Variants in PLXNA2 observed in about 807,000 individuals in gnomAD.
The protein encoded by PLXNA2 is plexin A2, also known as plexin-A2.
Under a neutral mutation model 193.5 loss-of-function variants are expected in PLXNA2, and 91 were observed. The observed-to-expected ratio is 0.47, with a 90% CI of 0.40 to 0.56. The LOEUF is 0.56. Among genes scored for constraint, PLXNA2 ranks in the 20% least tolerant of loss-of-function variants. PLXNA2 has a pLI of 0.00. For synonymous variants in PLXNA2, 997 were observed against 1,027.3 expected, an observed-to-expected ratio of 0.97 and a Z score of 0.56; for missense variants, 1,995 against 2,503.2, an observed-to-expected ratio of 0.80 and a Z score of 4.33.
chr1:208,094,321 T>C (rs1262681323), intron 8 of PLXNA2, among the ~76,000 whole-genome samples: 4 of 152,182 alleles, frequency 2.6e-5, no homozygotes, highest in African/African-American at 9.7e-5. Context: ...CAGCAAATTA[T>C]TAAAAGGAGG....
intron 5 of PLXNA2, among the ~76,000 whole-genome samples, chr1:208,099,715 C>T (rs1009009727): frequency 2.0e-5 from 3 of 152,196 alleles, no homozygotes; most frequent in African/African-American, 4.8e-5. Flanking sequence ...GGATTACAGG[C>T]GCCCACCACC....
chr1:208,053,355 G>T (rs1395263894), intron 14 of PLXNA2, among the ~76,000 whole-genome samples: 1 of 152,210 alleles, frequency 6.6e-6, no homozygotes, highest in Non-Finnish European at 1.5e-5. Context: ...GATTGTCAGA[G>T]TACTGACATT....
chr1:208,189,285 C>G (rs146070179), intron 3 of PLXNA2, among the ~76,000 whole-genome samples: 1 of 152,246 alleles, frequency 6.6e-6, no homozygotes, highest in Non-Finnish European at 1.5e-5. Flanking sequence ...CTCACATGAT[C>G]ATGCCTGGGG....
intron 4 of PLXNA2, among the ~76,000 whole-genome samples, chr1:208,118,480 T>C (rs895661168): frequency 2.0e-5 from 3 of 152,240 alleles, no homozygotes; most frequent in African/African-American, 7.2e-5. Flanking sequence ...AGTCAGGAAC[T>C]GGCTCCAGGT....
At chr1:208,180,164 AT>A (rs11304771) in intron 3 of PLXNA2, among the ~76,000 whole-genome samples, 58,795 of 143,790 alleles carry the variant, frequency 0.41, 11,811 homozygotes, top group East Asian at 0.49. Context: ...GGGGGCTTGT[AT>A]TTTTTTTTTT....
rs1054838844 is a variant in PLXNA2 at position 208,150,968 on chromosome 1, C to A, written c.1372-8505G>T. 3.9e-5 allele frequency among the ~76,000 whole-genome samples: 6 copies of A among 152,196 alleles called. No homozygotes were observed. The East Asian group carries it at 5.8e-4, about 15-fold the overall frequency. On this transcript the variant is annotated intron_variant, in intron 3 of 31. Transcript: ENST00000367033. ...GTGATTCAGGAACACGGGGCTCAGG[C>A]CTTAGTCCAACCCCACCTTTAAACA...
intron 4 of PLXNA2, among the ~76,000 whole-genome samples, chr1:208,106,528 T>C (rs1667276280): frequency 6.6e-6 from 1 of 152,204 alleles, no homozygotes; most frequent in Non-Finnish European, 1.5e-5. Context: ...CCCAGTACAA[T>C]AGCCACTAGC....
rs201065838 is a variant in PLXNA2, at chr1:208,060,757, C to T, written c.2667G>A (p.Glu889=). The T allele has an allele frequency of 2.4e-5, 39 of 1,614,106 alleles. No homozygotes were observed. Among genetic ancestry groups the T allele is most frequent in the Non-Finnish European group, 3.1e-5 (37 of 1,179,996 alleles). The change falls in exon 13 of 32, where the codon GAG becomes GAA. Residue 889 remains glutamate (E), a synonymous_variant. Coordinates refer to ENST00000367033, the MANE Select transcript of PLXNA2 (RefSeq NM_025179.4). ...HGVNLGLDFS[E]IAHHVQVAGV... Reference sequence around the variant, plus strand: ...CAGCCACCTGCACATGGTGGGCGATCTCGGAGAAGTCCAGACCCAGGTTCA... The same window carrying T: ...CAGCCACCTGCACATGGTGGGCGATTTCGGAGAAGTCCAGACCCAGGTTCA...
intron 24 of PLXNA2, 137 bp downstream of exon 24, chr1:208,039,484 G>A: frequency 1.7e-6 from 2 of 1,209,626 alleles, no homozygotes; most frequent in Non-Finnish European, 2.3e-6. Context: ...GGTACACTTA[G>A]TTGTCCTTTG....
intron 1 of PLXNA2, among the ~76,000 whole-genome samples, chr1:208,237,175 T>C (rs1202652393): frequency 1.3e-5 from 2 of 152,190 alleles, no homozygotes; most frequent in African/African-American, 2.4e-5. Context: ...TCTACCCTCT[T>C]TATGGACAGA....
At chr1:208,120,511 C>T (rs1667775708) in intron 4 of PLXNA2, among the ~76,000 whole-genome samples, 1 of 152,186 alleles carries the variant, frequency 6.6e-6, no homozygotes, top group South Asian at 2.1e-4. Flanking sequence ...AGATTGAACT[C>T]TCTGAGACTC....
At chr1:208,068,614 C>G (rs1232136913) in intron 12 of PLXNA2, among the ~76,000 whole-genome samples, 1 of 152,196 alleles carries the variant, frequency 6.6e-6, no homozygotes, top group Non-Finnish European at 1.5e-5. Context: ...GCACTCGGGT[C>G]GTGCCTTCAG....
intron 3 of PLXNA2, among the ~76,000 whole-genome samples, chr1:208,153,220 G>A (rs1200728707): frequency 2.0e-5 from 3 of 152,216 alleles, no homozygotes; most frequent in Non-Finnish European, 4.4e-5. Context: ...CATGCTAAAG[G>A]CTTTATGCAC....
In PLXNA2 at chr1:208,027,044, C is replaced by A; in HGVS notation, c.*199G>T. 1 of 527,460 alleles carries A rather than the reference C, an allele frequency of 1.9e-6. No homozygotes were observed. The highest frequency in any genetic ancestry group is 2.5e-5 in the South Asian group (1 of 40,756). 32.7% of individuals were successfully genotyped at this position (527,460 alleles called of 1,614,324 possible). On this transcript the variant is annotated 3_prime_UTR_variant, in exon 32 of 32. Coordinates refer to ENST00000367033, the MANE Select transcript of PLXNA2 (RefSeq NM_025179.4). ...TGTTCTCACTGAGGATGGACGACGC[C>A]CACTGTCTCTCCCAGCTGGAACTGG...
Position 208,044,564 on chromosome 1 carries a change from C to T in PLXNA2, c.3818G>A (p.Arg1273Gln), listed in dbSNP as rs758482263. ...KSRENDLTLKRLQMQMDNLES... is the reference protein window; with the variant it reads ...KSRENDLTLKQLQMQMDNLES... ...CAGATTGTCCATCTGCATTTGCAGC[C>T]GCTTGAGAGTGAGGTCATTTTCTCG... Residue 1273 changes from arginine to glutamine, a missense_variant, in exon 20 of 32, where the codon CGG (arginine) becomes CAG (glutamine). Arg to Gln is a conservative substitution (Grantham distance 43). Transcript: ENST00000367033. This position sits in a 1 kb window ranked among gnomAD's most constrained non-coding sequence, Gnocchi z 4.9. The T allele has an allele frequency of 1.2e-5, 19 of 1,613,958 alleles. No individual in the cohort carries two copies. The highest frequency in any genetic ancestry group is 5.3e-5 in the African/African-American group (4 of 74,888).
chr1:208,063,211 A>C (rs528912191), intron 12 of PLXNA2, among the ~76,000 whole-genome samples: 109 of 152,354 alleles, frequency 7.2e-4, no homozygotes, highest in African/African-American at 2.5e-3. Context: ...TCTTTCTGGA[A>C]AGCCTAAAAA....
chr1:208,203,771 T>C (rs1466011941), intron 3 of PLXNA2, among the ~76,000 whole-genome samples: 1 of 152,098 alleles, frequency 6.6e-6, no homozygotes, highest in Non-Finnish European at 1.5e-5. Context: ...ATCTGTAAAA[T>C]GGGGTAAAGA....
At chr1:208,174,299 A>G (rs1669589663) in intron 3 of PLXNA2, among the ~76,000 whole-genome samples, 1 of 151,204 alleles carries the variant, frequency 6.6e-6, no homozygotes, top group African/African-American at 2.4e-5. Context: ...TGGGGGCTGG[A>G]GAGAGAAGGG....
intron 13 of PLXNA2, among the ~76,000 whole-genome samples, chr1:208,056,889 A>C (rs1665449760): frequency 6.6e-6 from 1 of 152,204 alleles, no homozygotes; most frequent in Non-Finnish European, 1.5e-5. Flanking sequence ...GGAGAGTCCT[A>C]AGAAAATCAG....
Sources: gnomAD v4.1 joint callset for allele counts (sites outside exome capture counted in the v4.1 genomes callset) on GRCh38, gnomAD v4.1.1 for gene constraint, Gnocchi (gnomAD v3.1) non-coding constraint, MANE v1.5 for transcripts, NCBI Gene and HGNC (gene_info 2026-07-23, HGNC 2026-07-21) for gene names.